The following CSMD3 variants were observed in gnomAD, a reference collection of about 807,000 sequenced individuals.
CSMD3 encodes the protein CUB and Sushi multiple domains 3.
In CSMD3, 177 loss-of-function variants were observed where a neutral mutation model predicts 435.2. That is an observed-to-expected ratio of 0.41 (90% CI 0.36 to 0.46). The LOEUF (loss-of-function observed/expected upper bound fraction) is 0.46. Among genes scored for constraint, CSMD3 ranks in the 20% least tolerant of loss-of-function variants. The probability of loss-of-function intolerance (pLI) is 0.34; values close to 1 mark genes in which losing one functional copy is unlikely to be tolerated. For missense variants in CSMD3, 4,265 were observed against 4,504.6 expected, an observed-to-expected ratio of 0.95 and a Z score of 1.52; for synonymous variants, 1,656 against 1,520.5, an observed-to-expected ratio of 1.09 and a Z score of -2.07.
intron 13 of CSMD3, among the ~76,000 whole-genome samples, chr8:112,743,085 A>G (rs1041545499): frequency 2.6e-5 from 4 of 151,920 alleles, no homozygotes; most frequent in Admixed American, 1.3e-4. Flanking sequence ...TTCTTAAGTG[A>G]CTCTGTGTGT....
At chr8:112,537,491 C>T (rs1826232944) in intron 27 of CSMD3, among the ~76,000 whole-genome samples, 1 of 151,608 alleles carries the variant, frequency 6.6e-6, no homozygotes, top group South Asian at 2.1e-4. Flanking sequence ...TTTTTCTTAG[C>T]TAGATTAAGA....
intron 1 of CSMD3, among the ~76,000 whole-genome samples, chr8:113,410,975 A>G (rs11986454): frequency 0.018 from 2,586 of 144,668 alleles, 94 homozygotes; most frequent in African/African-American, 0.061. Context: ...AGGGAGGAAG[A>G]AAGGAAGGAA....
intron 6 of CSMD3, among the ~76,000 whole-genome samples, chr8:113,005,248 C>A (rs1532799): frequency 0.6 from 91,694 of 151,646 alleles, 29,320 homozygotes; most frequent in East Asian, 0.95. Flanking sequence ...CACAATCAAC[C>A]AATAACAATG....
chr8:112,927,097 A>G (rs1050523287), intron 9 of CSMD3, among the ~76,000 whole-genome samples: 3 of 152,160 alleles, frequency 2.0e-5, no homozygotes, highest in Non-Finnish European at 2.9e-5. Flanking sequence ...TGCTGATTTA[A>G]TATCTTTAAA....
chr8:113,122,478 T>C (rs2091012218), intron 4 of CSMD3, among the ~76,000 whole-genome samples: 3 of 152,102 alleles, frequency 2.0e-5, no homozygotes, highest in African/African-American at 7.2e-5. Flanking sequence ...TGCTAATCAG[T>C]TGATGCAATT....
chr8:113,224,956 A>T (rs1254502231), intron 3 of CSMD3, among the ~76,000 whole-genome samples: 1 of 151,306 alleles, frequency 6.6e-6, no homozygotes, highest in African/African-American at 2.4e-5. Flanking sequence ...GAAAGGTAAA[A>T]TTTTCTATCT....
At chr8:112,389,371 G>A (rs188858093) in intron 36 of CSMD3, among the ~76,000 whole-genome samples, 1 of 152,274 alleles carries the variant, frequency 6.6e-6, no homozygotes, top group African/African-American at 2.4e-5. Context: ...ATACAAGCTG[G>A]AGCATGGGCA....
intron 3 of CSMD3, among the ~76,000 whole-genome samples, chr8:113,214,370 G>C (rs547474611): frequency 3.3e-5 from 5 of 152,024 alleles, no homozygotes; most frequent in African/African-American, 1.2e-4. Context: ...GTTCATTCAT[G>C]CTAACTTTTT....
intron 9 of CSMD3, among the ~76,000 whole-genome samples, chr8:112,926,854 G>C (rs1411772942): frequency 6.6e-6 from 1 of 151,990 alleles, no homozygotes; most frequent in Non-Finnish European, 1.5e-5. Context: ...CTGCACTTTT[G>C]TTGTTATTAT....
At chr8:113,079,568 G>GA (rs1460175781) in intron 5 of CSMD3, among the ~76,000 whole-genome samples, 1 of 151,984 alleles carries the variant, frequency 6.6e-6, no homozygotes, top group Non-Finnish European at 1.5e-5. Context: ...CCTTATTAGA[G>GA]AAAAATGAAG....
chr8:113,427,628 G>A (rs934434750), intron 1 of CSMD3, among the ~76,000 whole-genome samples: 1 of 151,524 alleles, frequency 6.6e-6, no homozygotes, highest in African/African-American at 2.4e-5. Context: ...AAGATACACA[G>A]CTACCCCTGT....
chr8:112,564,260 G>A (rs925551462), intron 24 of CSMD3, among the ~76,000 whole-genome samples: 18 of 150,654 alleles, frequency 1.2e-4, no homozygotes, highest in Non-Finnish European at 2.5e-4. Flanking sequence ...CCTTTCTATA[G>A]GGAGGTTTTC....
At chr8:112,794,340 T>G (rs545307421) in intron 13 of CSMD3, among the ~76,000 whole-genome samples, 54 of 137,126 alleles carry the variant, frequency 3.9e-4, no homozygotes, top group Non-Finnish European at 6.9e-4. Flanking sequence ...GTAGCCCAGG[T>G]TAGAGGGCAG....
At chr8:113,118,957 T>C (rs1009754159) in intron 4 of CSMD3, among the ~76,000 whole-genome samples, 1 of 152,082 alleles carries the variant, frequency 6.6e-6, no homozygotes, top group African/African-American at 2.4e-5. Context: ...CATTTTCTGC[T>C]ACAAAATAAG....
intron 23 of CSMD3, among the ~76,000 whole-genome samples, chr8:112,577,487 G>A (rs1179859874): frequency 1.3e-5 from 2 of 151,876 alleles, no homozygotes; most frequent in African/African-American, 2.4e-5. Context: ...CTTTAAGTAT[G>A]TTTTTGTTTA....
intron 11 of CSMD3, among the ~76,000 whole-genome samples, chr8:112,853,790 A>T (rs1214107312): frequency 1.3e-5 from 2 of 152,150 alleles, no homozygotes; most frequent in Non-Finnish European, 2.9e-5. Flanking sequence ...TACTGTGCTA[A>T]TTATTTATCT....
chr8:112,599,731 A>T (rs950487788), intron 22 of CSMD3, among the ~76,000 whole-genome samples: 1 of 151,594 alleles, frequency 6.6e-6, no homozygotes, highest in Non-Finnish European at 1.5e-5. Flanking sequence ...GACATGGATG[A>T]AATTGGAAAT....
At chr8:112,348,577 A>G (rs2131037933) in intron 40 of CSMD3, among the ~76,000 whole-genome samples, 1 of 152,186 alleles carries the variant, frequency 6.6e-6, no homozygotes, top group South Asian at 2.1e-4. Flanking sequence ...CAAAATTTAT[A>G]AAATACAAAA....
chr8:112,306,098 A>G lies in CSMD3; in HGVS notation c.7980T>C (p.Asp2660=), dbSNP rs768054018. ...VGTRVTYFCN[D]GYRLSSKELT... is the part of the protein sequence containing the mutation. ...GTTCTTTGGATGACAATCGATATCCATCATTACAAAAATAGGTAACTCGCG... is the reference window on the plus strand; with the variant it reads ...GTTCTTTGGATGACAATCGATATCCGTCATTACAAAAATAGGTAACTCGCG... The change falls in exon 51 of 71, where the codon GAT becomes GAC. Residue 2660 remains aspartate (D), a synonymous_variant. Coordinates refer to ENST00000297405, the MANE Select transcript of CSMD3 (RefSeq NM_198123.2). The G allele has an allele frequency of 3.1e-6, 5 of 1,613,292 alleles. No homozygotes were observed. Among genetic ancestry groups the G allele is most frequent in the Middle Eastern group, 1.6e-4 (1 of 6,078 alleles).
Sources: allele counts gnomAD v4.1 joint callset (sites outside exome capture counted in the v4.1 genomes callset), GRCh38; gene constraint gnomAD v4.1.1; transcripts MANE v1.5; gene names NCBI Gene and HGNC (gene_info 2026-07-23, HGNC 2026-07-21).